NEK11: variants seen among roughly 807,000 people sequenced by gnomAD.
The protein encoded by NEK11 is NIMA related kinase 11, also known as serine/threonine-protein kinase Nek11.
Under a neutral mutation model 80.7 loss-of-function variants are expected in NEK11, and 72 were observed. That is an observed-to-expected ratio of 0.89 (90% CI 0.74 to 1.08). The LOEUF (loss-of-function observed/expected upper bound fraction) is 1.08. NEK11 is among the 50% of genes least tolerant of loss of function. The pLI, the probability that NEK11 is intolerant of heterozygous loss-of-function variation, is 0.00. For missense variants in NEK11, 764 were observed against 763.6 expected (o/e 1.00, Z -0.01); for synonymous variants, 251 against 260.7 (o/e 0.96, Z 0.36).
rs977669163 is a variant in NEK11, at chr3:131,080,406, A to T, written c.171-17A>T. The T allele has an allele frequency of 7.8e-5, 123 of 1,572,308 alleles. No homozygotes were observed. The highest frequency in any genetic ancestry group is 1.7e-4 in the Middle Eastern group (1 of 5,906). On this transcript the variant is annotated splice_polypyrimidine_tract_variant and intron_variant, in intron 3 of 17. Transcript: ENST00000383366. ...TTTTTCAGCTCTAAATGTTTTTAAA[A>T]TTTTTTTTGATCTCAGAAAGGTACT... is the stretch of plus-strand genomic sequence containing the variant.
chr3:131,336,771 A>C (rs2097192075), intron 17 of NEK11, among the ~76,000 whole-genome samples: 1 of 152,246 alleles, frequency 6.6e-6, no homozygotes, highest in African/African-American at 2.4e-5. Flanking sequence ...CAAATTTACA[A>C]GAAAAAAACA....
intron 12 of NEK11, among the ~76,000 whole-genome samples, chr3:131,166,207 G>T (rs1346539703): frequency 1.3e-5 from 2 of 152,186 alleles, no homozygotes; most frequent in Non-Finnish European, 2.9e-5. Context: ...AGCAACTTGG[G>T]ATGAAGCCAT....
At chr3:131,029,141 T>C (rs141539996) in intron 2 of NEK11, among the ~76,000 whole-genome samples, 179 of 152,264 alleles carry the variant, frequency 1.2e-3, no homozygotes, top group Non-Finnish European at 2.1e-3. Flanking sequence ...AAAAAATAAA[T>C]CTAAAGGAAA....
At chr3:131,322,936 G>C (rs950311505) in intron 17 of NEK11, among the ~76,000 whole-genome samples, 1 of 152,154 alleles carries the variant, frequency 6.6e-6, no homozygotes, top group African/African-American at 2.4e-5. Flanking sequence ...AGACTTTCCA[G>C]TTAGAGGAAA....
At chr3:131,346,757 G>A (rs1458471240) in intron 17 of NEK11, among the ~76,000 whole-genome samples, 1 of 152,070 alleles carries the variant, frequency 6.6e-6, no homozygotes, top group Admixed American at 6.6e-5. Context: ...AAGATTAGCT[G>A]GTAAGTATGG....
intron 3 of NEK11, among the ~76,000 whole-genome samples, chr3:131,056,410 C>G (rs199505800): frequency 6.6e-6 from 1 of 152,164 alleles, no homozygotes; most frequent in Non-Finnish European, 1.5e-5. Flanking sequence ...AGGGTCAGGA[C>G]ACTCACTGTG....
At chr3:131,247,645 T>TTATAGTTC (rs2095625743) in intron 16 of NEK11, among the ~76,000 whole-genome samples, 1 of 152,088 alleles carries the variant, frequency 6.6e-6, no homozygotes, top group East Asian at 1.9e-4. Context: ...GAGTTTCTTT[T>TTATAGTTC]TATAGTTCTG....
intron 5 of NEK11, among the ~76,000 whole-genome samples, chr3:131,115,936 T>TTCTTTCTTTCTTTCTTTCTTTC (rs2081024567): frequency 1.7e-5 from 2 of 118,720 alleles, no homozygotes; most frequent in Admixed American, 8.5e-5. Flanking sequence ...CTTTCTTTCT[T>TTCTTTCTTTCTTTCTTTCTTTC]TCTTTCTTTC....
At chr3:131,294,325 G>A (rs1284670380) in intron 17 of NEK11, among the ~76,000 whole-genome samples, 8 of 152,006 alleles carry the variant, frequency 5.3e-5, no homozygotes, top group Non-Finnish European at 8.8e-5. Context: ...TTTAACCCAT[G>A]TGTTATTTAG....
intron 5 of NEK11, among the ~76,000 whole-genome samples, chr3:131,115,992 T>TTCTTTCTCTTTC (rs1553878713): frequency 4.1e-5 from 5 of 123,212 alleles, no homozygotes; most frequent in Admixed American, 8.4e-5. Context: ...CTTTCTTTAT[T>TTCTTTCTCTTTC]ATACTTTAAG....
intron 16 of NEK11, among the ~76,000 whole-genome samples, chr3:131,246,466 T>C (rs1319016847): frequency 6.6e-6 from 1 of 152,180 alleles, no homozygotes; most frequent in Non-Finnish European, 1.5e-5. Flanking sequence ...TATTCCGTGG[T>C]GTGTGTACCA....
chr3:131,338,205 T>C (rs2097220615), intron 17 of NEK11, among the ~76,000 whole-genome samples: 2 of 151,246 alleles, frequency 1.3e-5, no homozygotes, highest in African/African-American at 4.9e-5. Context: ...GCCCTCGTGA[T>C]CCACTGGCCT....
At chr3:131,239,100 A>T (rs2095481180) in intron 15 of NEK11, among the ~76,000 whole-genome samples, 1 of 151,832 alleles carries the variant, frequency 6.6e-6, no homozygotes, top group African/African-American at 2.4e-5. Flanking sequence ...ATACACTCAA[A>T]TGAAGCCTCT....
intron 17 of NEK11, among the ~76,000 whole-genome samples, chr3:131,312,190 A>G (rs1187981384): frequency 6.6e-6 from 1 of 152,090 alleles, no homozygotes; most frequent in African/African-American, 2.4e-5. Flanking sequence ...GGAGACTTGG[A>G]CTCCGATTTT....
At chr3:131,065,048 T>C (rs1221159016) in intron 3 of NEK11, among the ~76,000 whole-genome samples, 1 of 152,230 alleles carries the variant, frequency 6.6e-6, no homozygotes, top group African/African-American at 2.4e-5. Context: ...GAAGGAACTT[T>C]ACAACACAGT....
chr3:131,345,987 A>T (rs776958800), intron 17 of NEK11, among the ~76,000 whole-genome samples: 28 of 152,102 alleles, frequency 1.8e-4, no homozygotes, highest in Non-Finnish European at 3.8e-4. Context: ...AAAAGAGCTC[A>T]AGTACACAGA....
chr3:131,155,317 G>A (rs545821876), intron 10 of NEK11, among the ~76,000 whole-genome samples, 196 bp downstream of exon 10: 1 of 152,296 alleles, frequency 6.6e-6, no homozygotes, highest in East Asian at 1.9e-4. Flanking sequence ...TTGAAATCAT[G>A]AAAGTTTAAA....
intron 17 of NEK11, among the ~76,000 whole-genome samples, chr3:131,312,939 CA>C (rs1221158623): frequency 1.3e-5 from 2 of 152,028 alleles, no homozygotes; most frequent in Non-Finnish European, 2.9e-5. Context: ...GCCTACTACC[CA>C]ATAATAGTTA....
intron 17 of NEK11, among the ~76,000 whole-genome samples, chr3:131,349,176 A>C (rs2097414956): frequency 6.6e-6 from 1 of 151,926 alleles, no homozygotes; most frequent in Non-Finnish European, 1.5e-5. Flanking sequence ...TGTCCGCCTC[A>C]CCCTGCTTTT....
Sources: gnomAD v4.1 joint callset for allele counts (sites outside exome capture counted in the v4.1 genomes callset) on GRCh38, gnomAD v4.1.1 for gene constraint, MANE v1.5 for transcripts, NCBI Gene and HGNC (gene_info 2026-07-23, HGNC 2026-07-21) for gene names.